The following HTR2C variants were observed in gnomAD, a reference collection of about 807,000 sequenced individuals.
The protein encoded by HTR2C is 5-hydroxytryptamine receptor 2C.
In HTR2C, 5 loss-of-function variants were observed where a neutral mutation model predicts 21.0. The ratio of observed to expected loss-of-function variants is 0.24; its 90% CI spans 0.12 to 0.50. The LOEUF (loss-of-function observed/expected upper bound fraction) is 0.50. Ranked by LOEUF, HTR2C falls within the 20% of genes least tolerant of loss-of-function variation. The pLI is 0.98. For missense variants in HTR2C, 271 were observed against 371.2 expected (o/e 0.73, Z 2.22); for synonymous variants, 150 against 145.3 (o/e 1.03, Z -0.23).
Position 114,781,814 on chromosome X carries a change from T to TTA in HTR2C, c.349+50207_349+50208insTA, listed in dbSNP as rs1416235097. Reference sequence around the variant, plus strand: ...CCACATCCCAGTCAACCCCGCCGTCTAAAAAAAAAAAAAAGTAACATACAG... The same window carrying TTA: ...CCACATCCCAGTCAACCCCGCCGTCTTAAAAAAAAAAAAAAAGTAACATACAG... On this transcript the variant is annotated intron_variant, in intron 4 of 5. Coordinates refer to ENST00000276198, the MANE Select transcript of HTR2C (RefSeq NM_000868.4). Among the ~76,000 whole-genome samples the TTA allele has an allele frequency of 1.1e-4, 10 of 91,927 alleles. No individual in the cohort carries two copies. The East Asian group carries it at 3.1e-3, about 28-fold the overall frequency. 79.8% of individuals were successfully genotyped at this position (91,927 alleles called of 115,157 possible). A position where few individuals can be genotyped will look rare whatever the true frequency, so the allele number is the denominator to read the frequency against.
At chrX:114,819,134 A>C (rs782289608) in intron 4 of HTR2C, among the ~76,000 whole-genome samples, 5 of 111,964 alleles carry the variant, frequency 4.5e-5, no homozygotes, top group Non-Finnish European at 7.5e-5. Context: ...ATATTTATTA[A>C]ATACATAAAT....
chrX:114,614,880 A>C (rs1556399693), intron 2 of HTR2C, among the ~76,000 whole-genome samples: 1 of 111,925 alleles, frequency 8.9e-6, no homozygotes, highest in Admixed American at 9.6e-5. Flanking sequence ...TTTCGACTCC[A>C]GACTGCATGG....
In HTR2C at chrX:114,819,149, G is replaced by A. The variant is rs782702443; in HGVS notation, c.350-28854G>A. On this transcript the variant is annotated intron_variant, in intron 4 of 5. Transcript: ENST00000276198. ...ATATTTATTAAATACATAAATAAAT[G>A]CTACATGGGTAAAATACTTCAAATT... Among the ~76,000 whole-genome samples, 76 of 111,654 alleles carry A rather than the reference G, an allele frequency of 6.8e-4. 1 individual carries two copies. Among genetic ancestry groups the A allele is most frequent in the Middle Eastern group, 9.5e-3 (2 of 211 alleles).
Position 114,852,763 on chromosome X carries a change from T to TTGTG in HTR2C, c.550+4586_550+4589dup, listed in dbSNP as rs58478809. 2.4e-3 allele frequency among the ~76,000 whole-genome samples: 251 copies of TTGTG among 102,807 alleles called. 1 individual carries two copies. Among genetic ancestry groups the TTGTG allele is most frequent in the African/African-American group, 8.2e-3 (229 of 28,039 alleles). 89.3% of individuals were successfully genotyped at this position (102,807 alleles called of 115,157 possible). On this transcript the variant is annotated intron_variant, in intron 5 of 5. Transcript: ENST00000276198. ...TTGCCAATAATTCTACTAAGAATAATTGTGTGTGTGTGTGTGTGTGTGTGT... is the reference window on the plus strand; with the variant it reads ...TTGCCAATAATTCTACTAAGAATAATTGTGTGTGTGTGTGTGTGTGTGTGTGTGT...
At chrX:114,830,424 T>C (rs949237963) in intron 4 of HTR2C, among the ~76,000 whole-genome samples, 1 of 111,065 alleles carries the variant, frequency 9.0e-6, no homozygotes, top group South Asian at 3.7e-4. Flanking sequence ...TTAACTTTTA[T>C]TGTCTTGCCC....
intron 5 of HTR2C, among the ~76,000 whole-genome samples, chrX:114,886,494 T>C (rs922317103): frequency 6.3e-5 from 7 of 110,976 alleles, no homozygotes; most frequent in African/African-American, 2.0e-4. Flanking sequence ...TATTTAATTA[T>C]TTCTTTCTAG....
At chrX:114,694,679 G>A (rs187543890) in intron 2 of HTR2C, among the ~76,000 whole-genome samples, 70 of 109,303 alleles carry the variant, frequency 6.4e-4, no homozygotes, top group Non-Finnish European at 1.2e-3. Context: ...TTTTAGTAGA[G>A]ATGGGGCTTC....
chrX:114,821,028 C>T (rs2070628017), intron 4 of HTR2C, among the ~76,000 whole-genome samples: 5 of 111,263 alleles, frequency 4.5e-5, no homozygotes, highest in Non-Finnish European at 9.4e-5. Context: ...CACAGTAAAA[C>T]GTGGGGATGT....
intron 2 of HTR2C, among the ~76,000 whole-genome samples, chrX:114,622,012 C>T (rs781907054): frequency 9.0e-5 from 10 of 111,437 alleles, no homozygotes; most frequent in African/African-American, 2.6e-4. Flanking sequence ...CTTGAAAGGC[C>T]AAGGCTCTTT....
At chrX:114,826,039 T>C (rs2070675267) in intron 4 of HTR2C, among the ~76,000 whole-genome samples, 1 of 109,521 alleles carries the variant, frequency 9.1e-6, no homozygotes, top group Non-Finnish European at 1.9e-5. Flanking sequence ...TGAGCATCTC[T>C]AGTCCCAAAA....
chrX:114,747,330 C>A (rs1005563554), intron 4 of HTR2C, among the ~76,000 whole-genome samples: 8 of 112,371 alleles, frequency 7.1e-5, no homozygotes, highest in African/African-American at 2.6e-4. Context: ...AGAATAAGAT[C>A]AGGATATCCA....
chrX:114,834,157 C>T (rs1222142422), intron 4 of HTR2C, among the ~76,000 whole-genome samples: 1 of 109,464 alleles, frequency 9.1e-6, no homozygotes, highest in Non-Finnish European at 1.9e-5. Context: ...TGGTGTGGTG[C>T]TGAAAAAAAT....
Position 114,909,500 on chromosome X carries a change from A to G in HTR2C, c.*2085A>G, listed in dbSNP as rs997061484. 6 of 112,470 alleles carry G rather than the reference A, an allele frequency of 5.3e-5. No homozygotes were observed. Among genetic ancestry groups the G allele is most frequent in the South Asian group, 3.6e-4 (1 of 2,741 alleles). The allele number at this position is 112,470 out of a possible 1,213,427, so 9.3% of individuals were successfully genotyped here. A position where few individuals can be genotyped will look rare whatever the true frequency, so the allele number is the denominator to read the frequency against. On this transcript the variant is annotated 3_prime_UTR_variant, in exon 6 of 6. Transcript: ENST00000276198. ...TGAAGTAGTGTGAGTGTTAGAAAAAACTGGAAACATCTGATTTCTGAACTA... is the reference window on the plus strand; with the variant it reads ...TGAAGTAGTGTGAGTGTTAGAAAAAGCTGGAAACATCTGATTTCTGAACTA...
chrX:114,797,830 G>T (rs1158370887), intron 4 of HTR2C, among the ~76,000 whole-genome samples: 3 of 111,757 alleles, frequency 2.7e-5, no homozygotes, highest in Non-Finnish European at 5.7e-5. Context: ...ATAATTCCTG[G>T]GATTTGAGGA....
At chrX:114,880,354 G>A (rs1478024924) in intron 5 of HTR2C, among the ~76,000 whole-genome samples, 2 of 109,719 alleles carry the variant, frequency 1.8e-5, no homozygotes, top group Admixed American at 9.8e-5. Context: ...CAATTTTCCT[G>A]TATTGTAGCA....
intron 4 of HTR2C, among the ~76,000 whole-genome samples, chrX:114,771,629 T>C (rs2070004848): frequency 8.9e-6 from 1 of 112,165 alleles, no homozygotes; most frequent in Non-Finnish European, 1.9e-5. Flanking sequence ...TGTGCAGCCT[T>C]TTAGATTTCC....
chrX:114,815,868 T>C (rs1351850828), intron 4 of HTR2C, among the ~76,000 whole-genome samples: 3 of 111,392 alleles, frequency 2.7e-5, no homozygotes, highest in African/African-American at 9.7e-5. Context: ...TGCTTCTCAA[T>C]GTAAAGTTCT....
intron 4 of HTR2C, among the ~76,000 whole-genome samples, chrX:114,813,739 A>C (rs2070556666): frequency 9.0e-6 from 1 of 110,892 alleles, no homozygotes; most frequent in Non-Finnish European, 1.9e-5. Context: ...GTCTTCTCTC[A>C]TTGGTTGAGA....
chrX:114,855,906 T>C (rs2147496583), intron 5 of HTR2C, among the ~76,000 whole-genome samples: 1 of 107,945 alleles, frequency 9.3e-6, no homozygotes, highest in African/African-American at 3.4e-5. Flanking sequence ...GAGAAACTTT[T>C]TCATGGTACA....
Sources: gnomAD v4.1 joint callset for allele counts (sites outside exome capture counted in the v4.1 genomes callset) on GRCh38, gnomAD v4.1.1 for gene constraint, MANE v1.5 for transcripts, NCBI Gene and HGNC (gene_info 2026-07-23, HGNC 2026-07-21) for gene names.